SLC4A4: variants seen among roughly 807,000 people sequenced by gnomAD.
SLC4A4 encodes solute carrier family 4 member 4.
A neutral mutation model predicts 111.5 loss-of-function variants in SLC4A4; 27 were observed. The observed-to-expected ratio is 0.24, with a 90% CI of 0.18 to 0.33. SLC4A4 has a LOEUF of 0.33. Ranked by LOEUF, SLC4A4 falls within the 10% of genes least tolerant of loss-of-function variation. The pLI, the probability that SLC4A4 is intolerant of heterozygous loss-of-function variation, is 1.00. For missense variants in SLC4A4, 909 were observed against 1,315.5 expected (o/e 0.69, Z 4.78); for synonymous variants, 443 against 463.4 (o/e 0.96, Z 0.57).
rs535253798 is a variant in SLC4A4 at position 71,562,605 on chromosome 4, T to C, written c.3100-1188T>C. ...TTTTTTTTTCTTTCCATTTGCTTGG[T>C]AAATATTTCTCCATCCCTTTATTTT... On this transcript the variant is annotated intron_variant, in intron 23 of 25. Transcript: ENST00000264485. 2.0e-5 allele frequency among the ~76,000 whole-genome samples: 3 copies of C among 151,826 alleles called. No individual in the cohort carries two copies. The South Asian group carries it at 6.2e-4, about 32-fold the overall frequency.
intron 6 of SLC4A4, among the ~76,000 whole-genome samples, chr4:71,390,739 T>C (rs1379792023): frequency 1.3e-5 from 2 of 152,128 alleles, no homozygotes; most frequent in Non-Finnish European, 2.9e-5. Flanking sequence ...TTATTAGCCA[T>C]GATGAAGTTT....
intron 2 of SLC4A4, among the ~76,000 whole-genome samples, chr4:71,253,084 T>C (rs935394185): frequency 6.6e-6 from 1 of 152,160 alleles, no homozygotes; most frequent in Non-Finnish European, 1.5e-5. Context: ...GAAATGGGGA[T>C]AGACAGAATC....
Position 71,122,741 on chromosome 4 carries a change from A to G in SLC4A4, c.-2+29949A>G, listed in dbSNP as rs1578501179. Among the ~76,000 whole-genome samples the G allele has an allele frequency of 6.6e-5, 10 of 152,278 alleles. No individual in the cohort carries two copies. The South Asian group carries it at 2.1e-3, about 32-fold the overall frequency. ...ACATGCTGGCCGTAGAGTTTCTCCC[A>G]GACCATCCCCCCTCGGCATCTCCTT... On this transcript the variant is annotated intron_variant, in intron 2 of 26. Coordinates refer to the SLC4A4 transcript ENST00000649996.
intron 9 of SLC4A4, among the ~76,000 whole-genome samples, chr4:71,448,175 C>T (rs193126305): frequency 1.2e-3 from 184 of 151,980 alleles, no homozygotes; most frequent in African/African-American, 4.2e-3. Flanking sequence ...AAAAAATTAG[C>T]CAGGCATGGT....
chr4:71,091,038 C>T (rs1361234089), intron 1 of SLC4A4, among the ~76,000 whole-genome samples: 1 of 152,126 alleles, frequency 6.6e-6, no homozygotes, highest in Non-Finnish European at 1.5e-5. Context: ...ACCTCTGCCT[C>T]CTGAGTTCAA....
chr4:71,534,829 T>C (rs1158474595), intron 18 of SLC4A4, among the ~76,000 whole-genome samples: 2 of 152,170 alleles, frequency 1.3e-5, no homozygotes, highest in Non-Finnish European at 2.9e-5. Context: ...GTGTACATCC[T>C]GTTTTTTGTC....
At chr4:71,242,194 G>A (rs930994395) in intron 2 of SLC4A4, among the ~76,000 whole-genome samples, 3 of 152,294 alleles carry the variant, frequency 2.0e-5, no homozygotes, top group Admixed American at 1.3e-4. Context: ...ATGGCAATAA[G>A]CCATACCAAA....
chr4:71,097,013 T>TC (rs1316251654), intron 2 of SLC4A4, among the ~76,000 whole-genome samples: 4 of 152,224 alleles, frequency 2.6e-5, no homozygotes, highest in Non-Finnish European at 5.9e-5. Flanking sequence ...AAATTTGCCA[T>TC]CTTAACCTTT....
intron 3 of SLC4A4, among the ~76,000 whole-genome samples, chr4:71,321,172 A>C (rs531318296): frequency 6.6e-6 from 1 of 152,026 alleles, no homozygotes; most frequent in African/African-American, 2.4e-5. Flanking sequence ...TAGGTTTTCT[A>C]TCAGCTTTGT....
At chr4:71,403,754 T>C (rs189081749) in intron 7 of SLC4A4, among the ~76,000 whole-genome samples, 220 of 152,302 alleles carry the variant, frequency 1.4e-3, no homozygotes, top group Non-Finnish European at 2.7e-3. Context: ...TGAGACACTC[T>C]CTTAGGATTT....
chr4:71,332,630 G>A lies in SLC4A4; in HGVS notation c.254-6740G>A, dbSNP rs368706395. Among the ~76,000 whole-genome samples, 41 of 152,046 alleles carry A rather than the reference G, an allele frequency of 2.7e-4. No homozygotes were observed. The East Asian group carries it at 7.2e-3, about 27-fold the overall frequency. The stretch of plus-strand genomic sequence containing the variant: ...CGGCTAATTTTTTGTATTTTTAGTA[G>A]AGATGGGGTTTCACTGTGGTCTCGA... On this transcript the variant is annotated intron_variant, in intron 3 of 25. Transcript: ENST00000264485.
chr4:71,314,464 A>C (rs1053022982), intron 3 of SLC4A4, among the ~76,000 whole-genome samples: 1 of 152,218 alleles, frequency 6.6e-6, no homozygotes, highest in Non-Finnish European at 1.5e-5. Context: ...AGACACATGC[A>C]CACGTATGTT....
chr4:71,103,499 A>G (rs1459029294), intron 2 of SLC4A4, among the ~76,000 whole-genome samples: 2 of 152,180 alleles, frequency 1.3e-5, no homozygotes, highest in Non-Finnish European at 2.9e-5. Context: ...CACCTATTCC[A>G]AAATTGACCA....
At chr4:71,259,536 G>A (rs1424235006) in intron 3 of SLC4A4, among the ~76,000 whole-genome samples, 5 of 151,970 alleles carry the variant, frequency 3.3e-5, no homozygotes, top group South Asian at 2.1e-4. Flanking sequence ...AGAACAAGCA[G>A]GAGAGACAAG....
intron 2 of SLC4A4, among the ~76,000 whole-genome samples, chr4:71,110,505 C>T (rs545390089): frequency 1.3e-5 from 2 of 152,138 alleles, no homozygotes; most frequent in Non-Finnish European, 2.9e-5. Context: ...TGTACCTGGG[C>T]AAATCTCATG....
At chr4:71,088,592 C>T (rs1249384469) in intron 1 of SLC4A4, among the ~76,000 whole-genome samples, 4 of 151,972 alleles carry the variant, frequency 2.6e-5, no homozygotes, top group African/African-American at 9.7e-5. Flanking sequence ...TCTTTTTGGG[C>T]AGACTTGGTG....
At chr4:71,414,475 T>G (rs1396723662) in intron 7 of SLC4A4, among the ~76,000 whole-genome samples, 3 of 152,236 alleles carry the variant, frequency 2.0e-5, no homozygotes, top group Non-Finnish European at 4.4e-5. Context: ...CCATTAACTT[T>G]TATTTATTTA....
chr4:71,368,650 C>G (rs1056907722), intron 6 of SLC4A4, among the ~76,000 whole-genome samples: 2 of 152,162 alleles, frequency 1.3e-5, no homozygotes, highest in Non-Finnish European at 2.9e-5. Context: ...TAACTTCGCT[C>G]TGTGTGTGCT....
rs202236628 is a variant in SLC4A4 at position 71,546,410 on chromosome 4, C to T, written c.2503C>T (p.Leu835Phe). ...WVAILMVICS[L>F]MALPWYVAAT... is the part of the protein sequence containing the mutation. ...GGCCATCCTCATGGTTATATGCTCC[C>T]TCATGGCTCTTCCGTGGTATGTAGC... The change falls in exon 19 of 26, where the codon CTC becomes TTC. Residue 835 changes from leucine to phenylalanine, a missense_variant. Physicochemically the swap from Leu to Phe is conservative, Grantham distance 22. Coordinates refer to ENST00000264485, the MANE Select transcript of SLC4A4 (RefSeq NM_001098484.3). The T allele has an allele frequency of 1.7e-5, 27 of 1,612,782 alleles. No individual in the cohort carries two copies. The highest frequency in any genetic ancestry group is 6.8e-6 in the Non-Finnish European group (8 of 1,179,152).
Sources: gnomAD v4.1 joint callset for allele counts (sites outside exome capture counted in the v4.1 genomes callset) on GRCh38, gnomAD v4.1.1 for gene constraint, MANE v1.5 for transcripts, NCBI Gene and HGNC (gene_info 2026-07-23, HGNC 2026-07-21) for gene names.